Variants in DSCAM observed in about 807,000 individuals in gnomAD.
The protein encoded by DSCAM is DS cell adhesion molecule.
DSCAM carries 47 observed loss-of-function variants against 217.7 expected under a neutral mutation model. The observed-to-expected ratio is 0.22, with a 90% confidence interval of 0.17 to 0.28. The LOEUF (loss-of-function observed/expected upper bound fraction) is 0.28, where lower values mean the gene tolerates loss of function less well. Ranked by LOEUF, DSCAM falls within the 10% of genes least tolerant of loss-of-function variation. DSCAM has a pLI of 1.00. For synonymous variants in DSCAM, 1,056 were observed against 1,015.3 expected, an observed-to-expected ratio of 1.04 and a Z score of -0.76; for missense variants, 2,080 against 2,618.3, an observed-to-expected ratio of 0.79 and a Z score of 4.49.
intron 3 of DSCAM, among the ~76,000 whole-genome samples, chr21:40,601,852 G>A (rs757225284): frequency 2.9e-4 from 44 of 152,020 alleles, no homozygotes; most frequent in Non-Finnish European, 1.0e-4. Flanking sequence ...TCAATACCTG[G>A]AATAAATCCA....
At chr21:40,440,350 C>T (rs1393976866) in intron 3 of DSCAM, among the ~76,000 whole-genome samples, 2 of 151,934 alleles carry the variant, frequency 1.3e-5, no homozygotes, top group African/African-American at 4.8e-5. Context: ...CCCCATATGG[C>T]AGGACCTATA....
intron 20 of DSCAM, among the ~76,000 whole-genome samples, chr21:40,115,487 C>T (rs931990554): frequency 3.3e-5 from 5 of 152,058 alleles, no homozygotes; most frequent in Non-Finnish European, 7.4e-5. Context: ...ATGGGTGCAG[C>T]ACACCAACAT....
At chr21:40,599,382 C>A (rs894331625) in intron 3 of DSCAM, among the ~76,000 whole-genome samples, 2 of 152,140 alleles carry the variant, frequency 1.3e-5, no homozygotes, top group African/African-American at 4.8e-5. Flanking sequence ...GGCCCCCAAC[C>A]CCCTGGCTGG....
chr21:40,772,888 C>T (rs561086868), intron 1 of DSCAM, among the ~76,000 whole-genome samples: 3 of 152,206 alleles, frequency 2.0e-5, no homozygotes, highest in African/African-American at 7.2e-5. Flanking sequence ...CGGTGGTGGA[C>T]CCTGTCCCGG....
chr21:40,574,212 A>G (rs1222383041), intron 3 of DSCAM, among the ~76,000 whole-genome samples: 1 of 152,216 alleles, frequency 6.6e-6, no homozygotes, highest in African/African-American at 2.4e-5. Context: ...CTTATGGTCC[A>G]ATACACAAAG....
intron 32 of DSCAM, among the ~76,000 whole-genome samples, chr21:40,018,398 A>ATATT (rs765362333): frequency 4.0e-5 from 6 of 151,786 alleles, no homozygotes; most frequent in Non-Finnish European, 5.9e-5. Flanking sequence ...TGTTGTTTGT[A>ATATT]TATTTGAGGA....
At chr21:40,599,291 G>A (rs2077044967) in intron 3 of DSCAM, among the ~76,000 whole-genome samples, 1 of 152,116 alleles carries the variant, frequency 6.6e-6, no homozygotes, top group Admixed American at 6.6e-5. Flanking sequence ...TACCATGGTG[G>A]TTTGCTGTAC....
chr21:40,079,781 G>A (rs1487346056), intron 25 of DSCAM, among the ~76,000 whole-genome samples: 1 of 149,052 alleles, frequency 6.7e-6, no homozygotes, highest in Non-Finnish European at 1.5e-5. Flanking sequence ...TGGCTATGTG[G>A]CAATGTGGAA....
At chr21:40,357,245 C>A (rs527633734) in intron 4 of DSCAM, among the ~76,000 whole-genome samples, 23 of 152,140 alleles carry the variant, frequency 1.5e-4, no homozygotes, top group African/African-American at 5.6e-4. Flanking sequence ...AAATTACAAA[C>A]GGACTTTGAA....
chr21:40,051,796 A>G (rs2088935812), intron 30 of DSCAM, among the ~76,000 whole-genome samples, 162 bp downstream of exon 30: 1 of 152,266 alleles, frequency 6.6e-6, no homozygotes. Flanking sequence ...GCCAAGATCC[A>G]TCAATAACAG....
chr21:40,451,285 T>G (rs1422821974), intron 3 of DSCAM, among the ~76,000 whole-genome samples: 3 of 152,228 alleles, frequency 2.0e-5, no homozygotes, highest in African/African-American at 7.2e-5. Flanking sequence ...GGAGAGCACT[T>G]ACTATTATGG....
At chr21:40,359,550 T>C (rs2074734917) in intron 4 of DSCAM, among the ~76,000 whole-genome samples, 1 of 152,210 alleles carries the variant, frequency 6.6e-6, no homozygotes, top group Non-Finnish European at 1.5e-5. Context: ...TTATTCATAA[T>C]CAAAAAGTGG....
At chr21:40,465,071 G>T (rs2075833583) in intron 3 of DSCAM, among the ~76,000 whole-genome samples, 1 of 152,086 alleles carries the variant, frequency 6.6e-6, no homozygotes, top group African/African-American at 2.4e-5. Flanking sequence ...AAATAAAATT[G>T]TTTTCGTCTG....
intron 3 of DSCAM, among the ~76,000 whole-genome samples, chr21:40,685,179 A>G (rs115090413): frequency 0.011 from 1,606 of 152,312 alleles, 21 homozygotes; most frequent in African/African-American, 0.036. Context: ...TGATCGTTGA[A>G]TGTATGAAAA....
chr21:40,587,863 A>G (rs1331657867), intron 3 of DSCAM, among the ~76,000 whole-genome samples: 1 of 152,188 alleles, frequency 6.6e-6, no homozygotes, highest in Admixed American at 6.5e-5. Context: ...ATTTGGCAAG[A>G]TCAAAGCCCA....
At chr21:40,486,821 C>T (rs1407082865) in intron 3 of DSCAM, among the ~76,000 whole-genome samples, 2 of 152,176 alleles carry the variant, frequency 1.3e-5, no homozygotes, top group African/African-American at 4.8e-5. Flanking sequence ...TCAAACAGAG[C>T]TTGAAATCAG....
intron 1 of DSCAM, among the ~76,000 whole-genome samples, chr21:40,793,301 A>G (rs1314461941): frequency 2.6e-5 from 4 of 152,190 alleles, no homozygotes; most frequent in African/African-American, 9.6e-5. Flanking sequence ...ACAAAAGATC[A>G]TGATCTCATT....
chr21:40,039,235 A>AG (rs1463622552), intron 32 of DSCAM, among the ~76,000 whole-genome samples: 1 of 152,222 alleles, frequency 6.6e-6, no homozygotes, highest in Non-Finnish European at 1.5e-5. Context: ...GAAACGTGTC[A>AG]GAAAAAAATA....
chr21:40,795,069 ATTATTTGAACCCC>A (rs1270602068), intron 1 of DSCAM, among the ~76,000 whole-genome samples: 2 of 151,352 alleles, frequency 1.3e-5, no homozygotes, highest in Non-Finnish European at 2.9e-5. Flanking sequence ...TGGTCTGCAA[ATTATTTGAACCCC>A]TTTTTCCAAC....
Sources: allele counts gnomAD v4.1 joint callset (sites outside exome capture counted in the v4.1 genomes callset), GRCh38; gene constraint gnomAD v4.1.1; transcripts MANE v1.5; gene names NCBI Gene and HGNC (gene_info 2026-07-23, HGNC 2026-07-21).